The following CP variants were observed in gnomAD, a reference collection of about 807,000 sequenced individuals.
CP encodes the protein ceruloplasmin.
Under a neutral mutation model 122.4 loss-of-function variants are expected in CP, and 64 were observed. That is an observed-to-expected ratio of 0.52 (90% CI 0.43 to 0.64). The LOEUF (loss-of-function observed/expected upper bound fraction) is 0.64, where lower values mean the gene tolerates loss of function less well. CP is among the 30% of genes least tolerant of loss of function. CP has a pLI of 0.00. For synonymous variants in CP, 440 were observed against 436.4 expected (o/e 1.01, Z -0.10); for missense variants, 1,167 against 1,284.4 (o/e 0.91, Z 1.40).
intron 18 of CP, among the ~76,000 whole-genome samples, chr3:149,175,664 AGTGTGTGT>A (rs60005904): frequency 5.5e-5 from 8 of 145,564 alleles, no homozygotes; most frequent in Admixed American, 5.5e-4. Context: ...CTCCATTTTA[AGTGTGTGT>A]GTGTGTGTGT....
chr3:149,211,864 G>A lies in CP; in HGVS notation c.394+587C>T, dbSNP rs75502912. Among the ~76,000 whole-genome samples the A allele has an allele frequency of 3.0e-3, 461 of 152,278 alleles. 1 individual carries two copies. Among genetic ancestry groups the A allele is most frequent in the Admixed American group, 4.8e-3 (73 of 15,294 alleles). On this transcript the variant is annotated intron_variant, in intron 2 of 18. Coordinates refer to ENST00000264613, the MANE Select transcript of CP (RefSeq NM_000096.4). ...TTATTCTATTTGGCCAGAAAGGACT[G>A]GGCTCTGGGAAAGAAGCTCCAGCTC...
Position 149,178,458 on chromosome 3 carries a change from T to A in CP, c.2835A>T (p.Val945=). 6.2e-7 allele frequency: 1 copy of A among 1,613,278 alleles called. No homozygotes were observed. The highest frequency in any genetic ancestry group is 8.5e-7 in the Non-Finnish European group (1 of 1,179,256). ...CTATGAATTCCTCATCATCTTTGTTTACTTTCTCGGGGTGATCAGAGTATG... is the reference window on the plus strand; with the variant it reads ...CTATGAATTCCTCATCATCTTTGTTAACTTTCTCGGGGTGATCAGAGTATG... ...IKTYSDHPEK[V]NKDDEEFIES... is the part of the protein sequence containing the mutation. The change falls in exon 16 of 19, where the codon GTA becomes GTT. Residue 945 remains valine, a synonymous_variant. Coordinates refer to ENST00000264613, the MANE Select transcript of CP (RefSeq NM_000096.4).
chr3:149,169,992 T>A (rs1198775225), downstream of CP, among the ~76,000 whole-genome samples: 1 of 152,172 alleles, frequency 6.6e-6, no homozygotes, highest in East Asian at 1.9e-4. Context: ...GTAGAGCAAG[T>A]AATTTTAACC....
chr3:149,170,284 A>G (rs1357444508), downstream of CP, among the ~76,000 whole-genome samples: 2 of 152,346 alleles, frequency 1.3e-5, no homozygotes, highest in South Asian at 2.1e-4. Flanking sequence ...ACAACTCCAC[A>G]CTAGCTCTCC....
intron 7 of CP, among the ~76,000 whole-genome samples, chr3:149,201,270 G>A (rs1221949964): frequency 6.6e-6 from 1 of 151,908 alleles, no homozygotes; most frequent in East Asian, 2.0e-4. Context: ...ACAGGCACCC[G>A]CCACCACGCC....
At chr3:149,213,063 AT>A (rs34315195) in intron 1 of CP, among the ~76,000 whole-genome samples, 1 of 152,148 alleles carries the variant, frequency 6.6e-6, no homozygotes, top group Non-Finnish European at 1.5e-5. Context: ...TAATTAAGAC[AT>A]TTTTTCACTT....
At chr3:149,182,929 T>A (rs1297767181) in intron 13 of CP, among the ~76,000 whole-genome samples, 1 of 152,052 alleles carries the variant, frequency 6.6e-6, no homozygotes, top group Non-Finnish European at 1.5e-5. Flanking sequence ...GGTGGGCGGA[T>A]CACTTGAGGC....
At chr3:149,179,500 C>T (rs1200829253) in intron 15 of CP, 56 bp downstream of exon 15, 15 of 1,306,668 alleles carry the variant, frequency 1.1e-5, no homozygotes, top group Admixed American at 3.4e-5. Context: ...CCTTGTCTTC[C>T]TTCAATTGTG....
downstream of CP, among the ~76,000 whole-genome samples, chr3:149,170,138 A>G (rs151051388): frequency 1.4e-4 from 21 of 152,370 alleles, no homozygotes; most frequent in African/African-American, 4.8e-4. Context: ...GTTATACATG[A>G]AAGTGCTTTA....
chr3:149,172,002 G>T (rs368655158), downstream of CP: 34 of 1,300,194 alleles, frequency 2.6e-5, 1 homozygote, highest in African/African-American at 4.5e-4. Context: ...ACCACGCCTG[G>T]CCTGAACTGG....
chr3:149,220,810 T>C (rs1728760928), intron 1 of CP, among the ~76,000 whole-genome samples: 1 of 152,200 alleles, frequency 6.6e-6, no homozygotes, highest in Admixed American at 6.5e-5. Flanking sequence ...ATGTAGTGAA[T>C]ATTGATTTTG....
chr3:149,196,634 TC>T (rs1288490425), intron 9 of CP, among the ~76,000 whole-genome samples: 1 of 152,156 alleles, frequency 6.6e-6, no homozygotes, highest in Non-Finnish European at 1.5e-5. Context: ...AACAAGTCCT[TC>T]AGTGTCAAAA....
Position 149,176,306 on chromosome 3 carries a change from A to T in CP, c.3125T>A (p.Val1042Glu). 1 of 1,613,480 alleles carries T rather than the reference A, an allele frequency of 6.2e-7. No individual in the cohort carries two copies. The highest frequency in any genetic ancestry group is 8.5e-7 in the Non-Finnish European group (1 of 1,179,702). Residue 1042 changes from valine to glutamate, a missense_variant, in exon 18 of 19, where the codon GTG becomes GAG. Transcript: ENST00000264613. Reference protein sequence around the residue: ...TPGIWLLHCHVTDHIHAGMET... With the variant: ...TPGIWLLHCHETDHIHAGMET... ...CATTCCAGCATGAATGTGGTCGGTC[A>T]CATGGCAGTGGAGTAACCAAATTCC...
intron 5 of CP, among the ~76,000 whole-genome samples, 184 bp from the exon 6 acceptor site, chr3:149,206,523 A>G (rs1727737895): frequency 6.6e-6 from 1 of 152,154 alleles, no homozygotes; most frequent in Non-Finnish European, 1.5e-5. Context: ...TTTAAAACAG[A>G]TATACTTTGT....
At chr3:149,208,239 T>C (rs1441769699) in intron 4 of CP, among the ~76,000 whole-genome samples, 4 of 152,138 alleles carry the variant, frequency 2.6e-5, no homozygotes. Context: ...AAGAAACTTA[T>C]GGTCACTGTT....
intron 14 of CP, 30 bp downstream of exon 14, chr3:149,181,975 C>CCGGGGGGGG: frequency 1.8e-6 from 2 of 1,088,426 alleles, no homozygotes; most frequent in Non-Finnish European, 2.7e-6. Context: ...TGTTAAAATG[C>CCGGGGGGGG]ACCACCCCCA....
At chr3:149,205,159 T>G (rs1576770561) in intron 6 of CP, among the ~76,000 whole-genome samples, 1 of 150,622 alleles carries the variant, frequency 6.6e-6, no homozygotes, top group East Asian at 1.9e-4. Context: ...CTATGAAATA[T>G]CACTTATGCT....
intron 9 of CP, 73 bp downstream of exon 9, chr3:149,198,290 GGTTA>G (rs1481123558): frequency 4.5e-5 from 51 of 1,143,550 alleles, no homozygotes; most frequent in Non-Finnish European, 6.6e-5. Context: ...ATAATGATGA[GGTTA>G]GATATTTCTA....
intron 5 of CP, among the ~76,000 whole-genome samples, chr3:149,165,039 C>A (rs1400215762): frequency 2.0e-5 from 3 of 152,122 alleles, no homozygotes; most frequent in Admixed American, 1.3e-4. Flanking sequence ...GTGGTGTTCC[C>A]AGAGATGGCA....
Sources: gnomAD v4.1 joint callset for allele counts (sites outside exome capture counted in the v4.1 genomes callset) on GRCh38, gnomAD v4.1.1 for gene constraint, MANE v1.5 for transcripts, NCBI Gene and HGNC (gene_info 2026-07-23, HGNC 2026-07-21) for gene names.